GSE1: variants seen among roughly 807,000 people sequenced by gnomAD.
GSE1 encodes Gse1 coiled-coil protein.
In GSE1, 32 loss-of-function variants were observed where a neutral mutation model predicts 112.6. The observed-to-expected ratio is 0.28, with a 90% CI of 0.21 to 0.38. The LOEUF is 0.38. GSE1 is among the 10% of genes least tolerant of loss of function. The pLI is 1.00. For missense variants in GSE1, 2,348 were observed against 1,699.2 expected, an observed-to-expected ratio of 1.38 and a Z score of -6.71; for synonymous variants, 1,115 against 735.6, an observed-to-expected ratio of 1.52 and a Z score of -8.35.
chr16:85,554,566 T>TGGGGTGC (rs1007315766), upstream of GSE1, among the ~76,000 whole-genome samples: 3 of 150,934 alleles, frequency 2.0e-5, no homozygotes, highest in African/African-American at 7.3e-5. Flanking sequence ...TTTTAAGGGG[T>TGGGGTGC]GGGGTGCGGG....
At chr16:85,320,574 C>T (rs1227328189) in intron 1 of GSE1, among the ~76,000 whole-genome samples, 3 of 152,176 alleles carry the variant, frequency 2.0e-5, no homozygotes, top group Non-Finnish European at 2.9e-5. Context: ...GGATTATAAG[C>T]GTGAGCCACC....
At chr16:85,183,508 C>A (rs748046464) in intron 1 of GSE1, among the ~76,000 whole-genome samples, 3 of 152,240 alleles carry the variant, frequency 2.0e-5, no homozygotes, top group Non-Finnish European at 4.4e-5. Flanking sequence ...TCTGCCCTCA[C>A]CCCTGTGGTC....
At chr16:85,329,122 C>T (rs1000331394) in intron 1 of GSE1, among the ~76,000 whole-genome samples, 38 of 152,282 alleles carry the variant, frequency 2.5e-4, no homozygotes, top group African/African-American at 8.9e-4. Flanking sequence ...TCCCCCACAG[C>T]TCCCTGGGCC....
At chr16:85,188,602 G>T (rs770567192) in intron 1 of GSE1, among the ~76,000 whole-genome samples, 8 of 151,968 alleles carry the variant, frequency 5.3e-5, no homozygotes, top group Non-Finnish European at 1.0e-4. Flanking sequence ...GGGAGTTAAA[G>T]ACTAGCCTGG....
intron 1 of GSE1, among the ~76,000 whole-genome samples, chr16:85,256,095 G>A (rs1302167712): frequency 1.3e-5 from 2 of 152,190 alleles, no homozygotes; most frequent in Non-Finnish European, 2.9e-5. Flanking sequence ...TCCTCATAGT[G>A]TTGTGGGGCT....
chr16:85,375,563 T>G (rs573249798), intron 2 of GSE1, among the ~76,000 whole-genome samples: 1 of 152,332 alleles, frequency 6.6e-6, no homozygotes, highest in African/African-American at 2.4e-5. Context: ...CCTGGGGCCA[T>G]GCAGGGCTTA....
chr16:85,646,196 G>A (rs905477364), intron 2 of GSE1, among the ~76,000 whole-genome samples: 1 of 147,866 alleles, frequency 6.8e-6, no homozygotes, highest in Non-Finnish European at 1.5e-5. Context: ...CTTCTACCAC[G>A]CTTCCTATGC....
At chr16:85,312,029 G>A (rs1290933531) in intron 1 of GSE1, among the ~76,000 whole-genome samples, 1 of 152,166 alleles carries the variant, frequency 6.6e-6, no homozygotes, top group African/African-American at 2.4e-5. Flanking sequence ...TCGACCTCTG[G>A]GACCAGGGTG....
intron 2 of GSE1, among the ~76,000 whole-genome samples, chr16:85,538,297 T>C (rs1307655906): frequency 6.6e-6 from 1 of 152,224 alleles, no homozygotes; most frequent in African/African-American, 2.4e-5. Context: ...GGCAAATCGC[T>C]TTCAGTGGCT....
At chr16:85,612,933 C>T (rs1480950770), upstream of GSE1, among the ~76,000 whole-genome samples, 1 of 152,214 alleles carries the variant, frequency 6.6e-6, no homozygotes, top group Non-Finnish European at 1.5e-5. Context: ...AGTTAAGTGG[C>T]CGGTCTTAGC....
intron 1 of GSE1, among the ~76,000 whole-genome samples, chr16:85,337,073 G>T (rs946124123): frequency 2.6e-5 from 4 of 152,190 alleles, no homozygotes; most frequent in Admixed American, 2.6e-4. Context: ...CCCTGGGTCT[G>T]CCCCCAGCAT....
chr16:85,377,946 T>C (rs912169192), intron 2 of GSE1, among the ~76,000 whole-genome samples: 5 of 152,214 alleles, frequency 3.3e-5, no homozygotes, highest in Non-Finnish European at 7.4e-5. Context: ...CTCAGCCTTA[T>C]CTTGGCCTTC....
intron 1 of GSE1, among the ~76,000 whole-genome samples, chr16:85,240,522 G>C (rs1905086271): frequency 6.6e-6 from 1 of 152,234 alleles, no homozygotes; most frequent in Non-Finnish European, 1.5e-5. Flanking sequence ...CAGCCCAGGA[G>C]TCCTGGCAGG....
chr16:85,526,163 A>C (rs1320866696), intron 2 of GSE1, among the ~76,000 whole-genome samples: 1 of 152,134 alleles, frequency 6.6e-6, no homozygotes, highest in Admixed American at 6.5e-5. Context: ...CTGCACCCCC[A>C]CCCTGTGCTC....
intron 2 of GSE1, among the ~76,000 whole-genome samples, chr16:85,465,107 G>T: frequency 6.6e-6 from 1 of 152,258 alleles, no homozygotes; most frequent in South Asian, 2.1e-4. Context: ...GTGGCCACTG[G>T]CATCTCTTCC....
At chr16:85,526,676 G>A (rs1187463748) in intron 2 of GSE1, among the ~76,000 whole-genome samples, 3 of 152,204 alleles carry the variant, frequency 2.0e-5, no homozygotes, top group African/African-American at 7.2e-5. Flanking sequence ...CAAGGTCTAC[G>A]CCGCCTGCCA....
chr16:85,602,295 A>C (rs1248946625), intron 1 of GSE1, among the ~76,000 whole-genome samples: 2 of 152,184 alleles, frequency 1.3e-5, no homozygotes, highest in African/African-American at 2.4e-5. Context: ...ACTGATTCAC[A>C]GGCCTGCGTG....
chr16:85,379,162 G>A (rs1346952175), intron 2 of GSE1, among the ~76,000 whole-genome samples: 10 of 152,132 alleles, frequency 6.6e-5, no homozygotes, highest in African/African-American at 1.9e-4. Flanking sequence ...CCTCTTCCTC[G>A]ATGGCTGCCC....
chr16:85,530,710 G>A (rs1001968065), intron 2 of GSE1, among the ~76,000 whole-genome samples: 9 of 152,204 alleles, frequency 5.9e-5, no homozygotes, highest in East Asian at 1.9e-4. Flanking sequence ...GCACCCAGCC[G>A]GGGAATCCAA....
Sources: gnomAD v4.1 joint callset for allele counts (sites outside exome capture counted in the v4.1 genomes callset) on GRCh38, gnomAD v4.1.1 for gene constraint, MANE v1.5 for transcripts, NCBI Gene and HGNC (gene_info 2026-07-23, HGNC 2026-07-21) for gene names.